Variants in EXOC4 observed in about 807,000 individuals in gnomAD.
EXOC4 encodes exocyst complex component 4.
A neutral mutation model predicts 107.2 loss-of-function variants in EXOC4; 71 were observed. That is an observed-to-expected ratio of 0.66 (90% confidence interval 0.55 to 0.81). EXOC4 has a LOEUF of 0.81. Among genes scored for constraint, EXOC4 ranks in the 30% least tolerant of loss-of-function variants. The probability of loss-of-function intolerance (pLI) is 0.00; values close to 1 mark genes in which losing one functional copy is unlikely to be tolerated. For missense variants in EXOC4, 1,108 were observed against 1,189.6 expected (o/e 0.93, Z 1.01); for synonymous variants, 456 against 441.2 (o/e 1.03, Z -0.42).
At chr7:133,818,037 A>T (rs1001635222) in intron 11 of EXOC4, among the ~76,000 whole-genome samples, 8 of 152,342 alleles carry the variant, frequency 5.3e-5, no homozygotes, top group African/African-American at 1.7e-4. Flanking sequence ...CTGAATTCAC[A>T]TGATGATCTT....
intron 7 of EXOC4, among the ~76,000 whole-genome samples, chr7:133,448,844 C>G (rs544242268): frequency 4.6e-5 from 7 of 152,166 alleles, no homozygotes; most frequent in Non-Finnish European, 8.8e-5. Flanking sequence ...GTGGCTCACA[C>G]CTGTAATCCC....
At chr7:133,754,028 C>T (rs1047217971) in intron 10 of EXOC4, among the ~76,000 whole-genome samples, 3 of 152,086 alleles carry the variant, frequency 2.0e-5, no homozygotes, top group African/African-American at 4.8e-5. Flanking sequence ...GTGTCAGTCA[C>T]GTAGAGGATG....
At chr7:133,834,448 G>A (rs1469180156) in intron 11 of EXOC4, among the ~76,000 whole-genome samples, 1 of 152,200 alleles carries the variant, frequency 6.6e-6, no homozygotes, top group East Asian at 1.9e-4. Flanking sequence ...ATGAGGAAAG[G>A]GTATGGGGCA....
intron 14 of EXOC4, among the ~76,000 whole-genome samples, chr7:133,940,226 T>C (rs892920483): frequency 1.1e-4 from 16 of 152,214 alleles, no homozygotes; most frequent in African/African-American, 3.9e-4. Flanking sequence ...TTACACAGGC[T>C]AACCTGGCAT....
At chr7:133,828,880 T>C (rs374691399) in intron 11 of EXOC4, among the ~76,000 whole-genome samples, 4 of 152,286 alleles carry the variant, frequency 2.6e-5, no homozygotes, top group African/African-American at 9.6e-5. Context: ...TTAGTAGGGA[T>C]CAATTAATTA....
chr7:133,373,228 T>C (rs949078505), intron 6 of EXOC4, among the ~76,000 whole-genome samples: 1 of 152,254 alleles, frequency 6.6e-6, no homozygotes, highest in Non-Finnish European at 1.5e-5. Context: ...ATTTTGTATG[T>C]ATCTTTGCTA....
rs904281498 is a variant in EXOC4, at chr7:133,333,436, T to G, written c.763+16046T>G. 5.5e-5 allele frequency among the ~76,000 whole-genome samples: 8 copies of G among 144,950 alleles called. No homozygotes were observed. In the East Asian group the frequency reaches 1.4e-3, roughly 25 times the overall value. ...TAACCATTTCTCTAAGGAGATCTGG[T>G]TTTTTTTTTATTGGAGAGTGATATT... On this transcript the variant is annotated intron_variant, in intron 5 of 17. Coordinates refer to ENST00000253861, the MANE Select transcript of EXOC4 (RefSeq NM_021807.4).
At chr7:133,382,264 C>G (rs1450765533) in intron 7 of EXOC4, among the ~76,000 whole-genome samples, 2 of 152,128 alleles carry the variant, frequency 1.3e-5, no homozygotes, top group Non-Finnish European at 2.9e-5. Flanking sequence ...GATTTCTAAA[C>G]CTTTTCAGAG....
rs556356622 is a variant in EXOC4 at position 133,283,151 on chromosome 7, G to C, written c.277-5771G>C. ...GACAGGGTCGCACTCTGTTGTCCAG[G>C]CTGGAGTAAATGGTGCAGTCGGCTC... On this transcript the variant is annotated intron_variant, in intron 2 of 17. Coordinates refer to ENST00000253861, the MANE Select transcript of EXOC4 (RefSeq NM_021807.4). Among the ~76,000 whole-genome samples, 6 of 152,298 alleles carry C rather than the reference G, an allele frequency of 3.9e-5. No homozygotes were observed. The South Asian group carries it at 8.3e-4, about 21-fold the overall frequency.
chr7:133,266,708 T>G (rs542791614), intron 1 of EXOC4, among the ~76,000 whole-genome samples: 16 of 152,358 alleles, frequency 1.1e-4, no homozygotes, highest in African/African-American at 3.8e-4. Context: ...GAATTGAGTT[T>G]TAATGTTATG....
chr7:133,735,046 TAAAAAAA>T (rs3076789), intron 10 of EXOC4, among the ~76,000 whole-genome samples: 1 of 94,740 alleles, frequency 1.1e-5, no homozygotes, highest in Non-Finnish European at 2.0e-5. Context: ...CCGTCTCTGC[TAAAAAAA>T]AAAAAAAAAA....
chr7:133,585,216 A>G (rs1801373845), intron 9 of EXOC4, among the ~76,000 whole-genome samples: 1 of 152,228 alleles, frequency 6.6e-6, no homozygotes, highest in Admixed American at 6.5e-5. Flanking sequence ...GGTATTTTAT[A>G]AAGCTTTCTG....
In EXOC4 at chr7:133,653,767, A is replaced by G. The variant is rs957338000; in HGVS notation, c.1514+23626A>G. 5.9e-5 allele frequency among the ~76,000 whole-genome samples: 9 copies of G among 152,286 alleles called. No homozygotes were observed. In the South Asian group the frequency reaches 1.9e-3, roughly 32 times the overall value. On this transcript the variant is annotated intron_variant, in intron 10 of 17. Transcript: ENST00000253861. The stretch of plus-strand genomic sequence containing the variant: ...CTCTAAACAACTTTCCTATTTCTGA[A>G]CTGCCCAGCAGAATTTGGAGTGAGC...
At chr7:134,048,953 C>A (rs1795720927) in intron 17 of EXOC4, among the ~76,000 whole-genome samples, 1 of 62,112 alleles carries the variant, frequency 1.6e-5, no homozygotes. Flanking sequence ...CTGGAAAGGT[C>A]TTTCTAAAAC....
chr7:133,441,900 C>T (rs1271053289), intron 7 of EXOC4, among the ~76,000 whole-genome samples: 2 of 152,142 alleles, frequency 1.3e-5, no homozygotes, highest in Non-Finnish European at 2.9e-5. Context: ...AACATCCCTG[C>T]TGGTGCTTAT....
At chr7:133,708,075 T>TA (rs1794808223) in intron 10 of EXOC4, among the ~76,000 whole-genome samples, 1 of 152,156 alleles carries the variant, frequency 6.6e-6, no homozygotes, top group African/African-American at 2.4e-5. Context: ...TAGAATCTAA[T>TA]AAAAACTTTC....
intron 10 of EXOC4, among the ~76,000 whole-genome samples, chr7:133,640,290 T>A (rs945124973): frequency 6.6e-6 from 1 of 152,194 alleles, no homozygotes; most frequent in African/African-American, 2.4e-5. Flanking sequence ...ATAAATGGAA[T>A]CATATAGTAT....
At chr7:133,434,526 T>C (rs1167582412) in intron 7 of EXOC4, among the ~76,000 whole-genome samples, 1 of 152,188 alleles carries the variant, frequency 6.6e-6, no homozygotes, top group Non-Finnish European at 1.5e-5. Flanking sequence ...CAAGTCATTT[T>C]GCAAACTGTA....
intron 9 of EXOC4, among the ~76,000 whole-genome samples, chr7:133,519,584 A>C (rs931158907): frequency 2.6e-5 from 4 of 152,188 alleles, no homozygotes; most frequent in Admixed American, 2.6e-4. Context: ...TCAAACCATG[A>C]GATACAGTTA....
Sources: gnomAD v4.1 joint callset for allele counts (sites outside exome capture counted in the v4.1 genomes callset) on GRCh38, gnomAD v4.1.1 for gene constraint, MANE v1.5 for transcripts, NCBI Gene and HGNC (gene_info 2026-07-23, HGNC 2026-07-21) for gene names.